The following FAM217B variants were observed in gnomAD, a reference collection of about 807,000 sequenced individuals.
FAM217B encodes family with sequence similarity 217 member B, also known as protein FAM217B.
For missense variants in FAM217B, 463 were observed against 456.9 expected, an observed-to-expected ratio of 1.01 and a Z score of -0.12; for synonymous variants, 163 against 173.0, an observed-to-expected ratio of 0.94 and a Z score of 0.45.
At chr20:59,934,793 G>A (rs945510072) in intron 1 of FAM217B, among the ~76,000 whole-genome samples, 4 of 152,106 alleles carry the variant, frequency 2.6e-5, no homozygotes, top group African/African-American at 9.7e-5. Context: ...TAAATGTGCG[G>A]TGGAAAGCAC....
At position 59,944,116 on chromosome 20, in the gene FAM217B, G is replaced by A. The variant is rs371395897; in HGVS notation, c.173G>A (p.Arg58His). ...LKESISPEAR[R>H]KRNPLGSRCQ... Reference sequence around the variant, plus strand: ...GAAAGCATTTCCCCGGAAGCAAGACGCAAAAGGAATCCACTCGGTTCCAGG... The same window carrying A: ...GAAAGCATTTCCCCGGAAGCAAGACACAAAAGGAATCCACTCGGTTCCAGG... Residue 58 changes from arginine (R) to histidine (H), a missense_variant, in exon 4 of 4, where the codon CGC (arginine) becomes CAC (histidine). Arg to His is a conservative substitution (Grantham distance 29, BLOSUM62 0). Coordinates refer to ENST00000360816, the MANE Select transcript of FAM217B (RefSeq NM_022106.3). 41 of 1,613,960 alleles carry A rather than the reference G, an allele frequency of 2.5e-5. No homozygotes were observed. Among genetic ancestry groups the A allele is most frequent in the Non-Finnish European group, 3.0e-5 (35 of 1,180,002 alleles).
chr20:59,939,691 G>C (rs1309875657), upstream of FAM217B: 2 of 1,413,894 alleles, frequency 1.4e-6, no homozygotes, highest in Non-Finnish European at 1.8e-6. Flanking sequence ...TTCTGGCGGC[G>C]CTCGGGGGAG....
chr20:59,936,314 G>A (rs899348538), upstream of FAM217B, among the ~76,000 whole-genome samples: 26 of 152,132 alleles, frequency 1.7e-4, no homozygotes, highest in African/African-American at 6.0e-4. Flanking sequence ...TTTCAGCTAA[G>A]AAAAAGGGGA....
chr20:59,943,679 C>T (rs565854989), intron 3 of FAM217B, among the ~76,000 whole-genome samples: 1 of 151,876 alleles, frequency 6.6e-6, no homozygotes, highest in African/African-American at 2.4e-5. Flanking sequence ...TTCCTAAATG[C>T]TAATATTTGA....
upstream of FAM217B, among the ~76,000 whole-genome samples, chr20:59,935,948 T>C (rs1333458492): frequency 2.0e-5 from 3 of 152,200 alleles, no homozygotes; most frequent in Admixed American, 6.5e-5. Flanking sequence ...GAATTACAGT[T>C]ATGTATTGCT....
Position 59,944,240 on chromosome 20 carries a change from T to A in FAM217B, c.297T>A (p.Asp99Glu). ...ADEDSASDLS[D>E]SERIPIPPSP... Reference sequence around the variant, plus strand: ...AGGACAGTGCAAGTGATCTCTCTGATTCGGAAAGAATTCCCATTCCTCCTT... The same window carrying A: ...AGGACAGTGCAAGTGATCTCTCTGAATCGGAAAGAATTCCCATTCCTCCTT... The change falls in exon 4 of 4, where the codon GAT becomes GAA. Residue 99 changes from aspartate to glutamate, a missense_variant. By Grantham distance (45) the Asp-to-Glu change is conservative. Transcript: ENST00000360816. 1 of 1,614,142 alleles carries A rather than the reference T, an allele frequency of 6.2e-7. No individual in the cohort carries two copies. The highest frequency in any genetic ancestry group is 8.5e-7 in the Non-Finnish European group (1 of 1,180,026).
At chr20:59,940,071 T>A, upstream of FAM217B, 1 of 645,158 alleles carries the variant, frequency 1.6e-6, no homozygotes, top group Non-Finnish European at 2.3e-6. Context: ...CGGTGCGCCC[T>A]ACCCTTGGTT....
upstream of FAM217B, chr20:59,939,245 GGGGCCTGC>G (rs1440258219): frequency 3.7e-6 from 6 of 1,611,004 alleles, no homozygotes; most frequent in African/African-American, 8.0e-5. Context: ...CCGTGCCCTC[GGGGCCTGC>G]GGGCCCGCGC....
upstream of FAM217B, chr20:59,939,266 C>G (rs1222188796): frequency 6.2e-7 from 1 of 1,612,204 alleles, no homozygotes; most frequent in Non-Finnish European, 8.5e-7. Flanking sequence ...GCCCGCGCCA[C>G]CGCGCCACCG....
rs368727280 is a variant in FAM217B, at chr20:59,944,029, C to G, written c.86C>G (p.Ala29Gly). The G allele has an allele frequency of 1.8e-5, 29 of 1,614,038 alleles. No individual in the cohort carries two copies. In the East Asian group the frequency reaches 2.2e-4, roughly 12 times the overall value. ...CAGAGTAAATCCCAAGTACCCCACG[C>G]TTCTTCCCAGCCGAGAAGCAGCCTC... ...KRQSKSQVPH[A>G]SSQPRSSLTA... is the part of the protein sequence containing the mutation. The change falls in exon 4 of 4, where the codon GCT becomes GGT. Residue 29 changes from alanine to glycine, a missense_variant. Transcript: ENST00000360816.
upstream of FAM217B, chr20:59,938,113 G>T (rs1784888042): frequency 6.6e-6 from 1 of 152,180 alleles, no homozygotes; most frequent in Admixed American, 6.5e-5. Flanking sequence ...CATCAAAAAG[G>T]TAATTGCAAA....
At position 59,945,146 on chromosome 20, in the gene FAM217B, C is replaced by T. The variant is rs369404260; in HGVS notation, c.*51C>T. 7.9e-5 allele frequency: 112 copies of T among 1,419,868 alleles called. No individual in the cohort carries two copies. Among genetic ancestry groups the T allele is most frequent in the Non-Finnish European group, 8.5e-5 (91 of 1,066,346 alleles). 88.0% of individuals were successfully genotyped at this position (1,419,868 alleles called of 1,614,324 possible). ...ACCTGCAGGTACCTCAATGTTAGAG[C>T]GCTTCCAAAAGTCAAAATACTGTGA... On this transcript the variant is annotated 3_prime_UTR_variant, in exon 4 of 4. Transcript: ENST00000360816.
intron 3 of FAM217B, among the ~76,000 whole-genome samples, chr20:59,943,058 A>G (rs1173954391): frequency 1.3e-5 from 2 of 152,236 alleles, no homozygotes; most frequent in African/African-American, 4.8e-5. Context: ...ACCCATTTCT[A>G]TTCATTCTAT....
chr20:59,935,440 C>T (rs973717626), upstream of FAM217B, among the ~76,000 whole-genome samples: 4 of 151,994 alleles, frequency 2.6e-5, no homozygotes, highest in African/African-American at 7.3e-5. Flanking sequence ...GGTTTTAGAC[C>T]GTGGCATTTC....
upstream of FAM217B, chr20:59,938,988 G>T: frequency 1.4e-6 from 2 of 1,454,010 alleles, no homozygotes; most frequent in South Asian, 3.0e-5. Context: ...GACAGGAGGC[G>T]CAGCTTAGGT....
Position 59,944,037 on chromosome 20 carries a change from C to T in FAM217B, c.94C>T (p.Gln32Ter), listed in dbSNP as rs1170695309. ...ATCCCAAGTACCCCACGCTTCTTCC[C>T]AGCCGAGAAGCAGCCTCACAGCTGT... ...SKSQVPHASS[Q>*]PRSSLTAVTQ... is the part of the protein sequence containing the mutation. The change falls in exon 4 of 4, where the codon CAG becomes TAG. Residue 32 changes from glutamine to a stop codon, truncating the protein, a stop_gained. Coordinates refer to ENST00000360816, the MANE Select transcript of FAM217B (RefSeq NM_022106.3). LOFTEE classifies it low-confidence loss of function (END_TRUNC). 5 of 1,614,130 alleles carry T rather than the reference C, an allele frequency of 3.1e-6. No individual in the cohort carries two copies. The highest frequency in any genetic ancestry group is 4.2e-6 in the Non-Finnish European group (5 of 1,180,014).
rs576811956 is a variant in FAM217B, at chr20:59,948,060, A to G, written c.*2965A>G. ...TTTAAAAAAAAAAAGAAAAAGAAAA[A>G]GAAAAAGAAAAATATTTTAGGCTTA... On this transcript the variant is annotated 3_prime_UTR_variant, in exon 4 of 4. Coordinates refer to ENST00000360816, the MANE Select transcript of FAM217B (RefSeq NM_022106.3). The G allele has an allele frequency of 3.0e-5, 5 of 164,282 alleles. No individual in the cohort carries two copies. The highest frequency in any genetic ancestry group is 1.2e-4 in the African/African-American group (5 of 41,482). 10.2% of individuals were successfully genotyped at this position (164,282 alleles called of 1,614,324 possible).
At chr20:59,934,251 T>C (rs760928948) in intron 1 of FAM217B, among the ~76,000 whole-genome samples, 1 of 152,194 alleles carries the variant, frequency 6.6e-6, no homozygotes, top group Non-Finnish European at 1.5e-5. Context: ...GACGGGGTGC[T>C]GAGCTGGGTA....
At chr20:59,933,813 CAAGG>C (rs2145937206) in exon 1 of FAM217B, 1 of 149,674 alleles carries the variant, frequency 6.7e-6, no homozygotes, top group South Asian at 2.1e-4. Flanking sequence ...AGGCCTGAGC[CAAGG>C]GGGACGCTGT....
Sources: allele counts gnomAD v4.1 joint callset (sites outside exome capture counted in the v4.1 genomes callset), GRCh38; gene constraint gnomAD v4.1.1; transcripts MANE v1.5; gene names NCBI Gene and HGNC (gene_info 2026-07-23, HGNC 2026-07-21).